RGL2: variants seen among roughly 807,000 people sequenced by gnomAD.
RGL2 encodes ral guanine nucleotide dissociation stimulator-like 2.
RGL2 carries 40 observed loss-of-function variants against 84.6 expected under a neutral mutation model. The observed-to-expected ratio is 0.47, with a 90% CI of 0.37 to 0.62. The LOEUF (loss-of-function observed/expected upper bound fraction) is 0.62, where lower values mean the gene tolerates loss of function less well. Ranked by LOEUF, RGL2 falls within the 20% of genes least tolerant of loss-of-function variation. The pLI, the probability that RGL2 is intolerant of heterozygous loss-of-function variation, is 0.00. For synonymous variants in RGL2, 369 were observed against 417.3 expected, an observed-to-expected ratio of 0.88 and a Z score of 1.41; for missense variants, 865 against 1,019.7, an observed-to-expected ratio of 0.85 and a Z score of 2.07.
At position 33,293,577 on chromosome 6, in the gene RGL2, C is replaced by A; in HGVS notation, c.1604+27G>T. On this transcript the variant is annotated intron_variant, in intron 14 of 17. Coordinates refer to ENST00000497454, the MANE Select transcript of RGL2 (RefSeq NM_004761.5). This position sits in a 1 kb window ranked among gnomAD's most constrained non-coding sequence, Gnocchi z 7.0. ...AGAGAAAAGTGGAAGTCCCAAGAAA[C>A]CACCCCCCAGCCAGTGAATCTCTCA... The A allele has an allele frequency of 3.7e-6, 6 of 1,612,754 alleles. No individual in the cohort carries two copies. Among genetic ancestry groups the A allele is most frequent in the Non-Finnish European group, 5.1e-6 (6 of 1,179,206 alleles).
chr6:33,292,583 ATGAT>A (rs1379851047), intron 16 of RGL2, 39 bp from the exon 17 acceptor site: 1 of 1,495,272 alleles, frequency 6.7e-7, no homozygotes, highest in Admixed American at 1.7e-5. Context: ...TCAATCAGCC[ATGAT>A]TTCCCATCCT....
At chr6:33,300,192 G>A (rs1158763451), upstream of RGL2, 1 of 153,836 alleles carries the variant, frequency 6.5e-6, no homozygotes, top group Non-Finnish European at 1.5e-5. Context: ...TAGGGCTGAA[G>A]AACTAGGCAG....
chr6:33,292,301 G>C lies in RGL2; in HGVS notation c.2135C>G (p.Pro712Arg). The C allele has an allele frequency of 6.2e-7, 1 of 1,613,966 alleles. No homozygotes were observed. Among genetic ancestry groups the C allele is most frequent in the African/African-American group, 1.3e-5 (1 of 75,020 alleles). Reference sequence around the variant, plus strand: ...GGCGTAGAATACATTAGCCGAGGCTGGGATAGTCAGCTCTGAAGGTTCAGG... The same window carrying C: ...GGCGTAGAATACATTAGCCGAGGCTCGGATAGTCAGCTCTGAAGGTTCAGG... ...LLPGERELTI[P>R]ASANVFYAMD... Residue 712 changes from proline to arginine, a missense_variant, in exon 18 of 18, where the codon CCA (proline) becomes CGA (arginine). Around this residue, in one of 5 missense-constraint regions of RGL2, gnomAD observed 302 missense variants for 327.9 expected, o/e 0.92. Transcript: ENST00000497454.
In RGL2 at chr6:33,298,860, A is replaced by T; in HGVS notation, c.-42+10T>A. 6 of 301,186 alleles carry T rather than the reference A, an allele frequency of 2.0e-5. No homozygotes were observed. The highest frequency in any genetic ancestry group is 5.6e-5 in the East Asian group (1 of 17,748). 18.7% of individuals were successfully genotyped at this position (301,186 alleles called of 1,614,324 possible). A position where few individuals can be genotyped will look rare whatever the true frequency, so the allele number is the denominator to read the frequency against. On this transcript the variant is annotated intron_variant, in intron 1 of 17. Coordinates refer to ENST00000497454, the MANE Select transcript of RGL2 (RefSeq NM_004761.5). The surrounding 1 kb of genome is among the most constrained non-coding windows in gnomAD (Gnocchi z 4.8). ...GAGTACGGGGACGCGCAGGGTGCTC[A>T]GGCTCTGACCTGCTCGGGAGGGGTG...
rs372507765 is a variant in RGL2, at chr6:33,292,935, T to C, written c.2007+81A>G. 6.9e-5 allele frequency: 106 copies of C among 1,539,050 alleles called. No individual in the cohort carries two copies. The African/African-American group carries it at 1.2e-3, about 17-fold the overall frequency. On this transcript the variant is annotated intron_variant, in intron 16 of 17. Coordinates refer to ENST00000497454, the MANE Select transcript of RGL2 (RefSeq NM_004761.5). ...AATTAAAACTACATTCAATTCCATT[T>C]GGCTGCCCAAACCTCAGACAACATT...
At position 33,293,869 on chromosome 6, in the gene RGL2, A is replaced by G. The variant is rs1767677739; in HGVS notation, c.1434T>C (p.Arg478=). ...SELRRLQNEC[R]GYNLQPDHDI... ...CATGGTCAGGTTGGAGGTTATAGCC[A>G]CGACATTCATTCTGGAGCCGTCGCA... The change falls in exon 13 of 18, where the codon CGT becomes CGC. Residue 478 remains arginine, a synonymous_variant. Transcript: ENST00000497454. This position sits in a 1 kb window ranked among gnomAD's most constrained non-coding sequence, Gnocchi z 7.0. The G allele has an allele frequency of 1.9e-6, 3 of 1,614,108 alleles. No individual in the cohort carries two copies. Among genetic ancestry groups the G allele is most frequent in the South Asian group, 2.2e-5 (2 of 91,080 alleles).
rs779742868 is a variant in RGL2, at chr6:33,296,587, A to G, written c.419+11T>C. The G allele has an allele frequency of 3.1e-6, 5 of 1,610,446 alleles. No individual in the cohort carries two copies. The South Asian group carries it at 5.5e-5, about 18-fold the overall frequency. On this transcript the variant is annotated intron_variant, in intron 4 of 17. Coordinates refer to ENST00000497454, the MANE Select transcript of RGL2 (RefSeq NM_004761.5). The surrounding 1 kb of genome is among the most constrained non-coding windows in gnomAD (Gnocchi z 5.0). ...GATACTCCACTACCCTGCGTCCCTT[A>G]TGACTCTGACCTGTCAGCCATAAGC...
In RGL2 at chr6:33,294,821, T is replaced by C; in HGVS notation, c.1279-59A>G. ...CATTGACGTGAGGGCCCTCCATCCC[T>C]CCGCACTTGCCCTCCTCATTGCCTC... On this transcript the variant is annotated intron_variant, in intron 10 of 17. Coordinates refer to ENST00000497454, the MANE Select transcript of RGL2 (RefSeq NM_004761.5). The surrounding 1 kb of genome is among the most constrained non-coding windows in gnomAD (Gnocchi z 5.0). 2 of 1,568,610 alleles carry C rather than the reference T, an allele frequency of 1.3e-6. No homozygotes were observed. Among genetic ancestry groups the C allele is most frequent in the Non-Finnish European group, 8.7e-7 (1 of 1,145,712 alleles).
In RGL2 at chr6:33,297,233, T is replaced by C; in HGVS notation, c.157-118A>G. ...CCTCACCTGTGGTGGCAGGGCATAGTACCAGCGAGTGCGAGGAAGGGTTGG... is the reference window on the plus strand; with the variant it reads ...CCTCACCTGTGGTGGCAGGGCATAGCACCAGCGAGTGCGAGGAAGGGTTGG... On this transcript the variant is annotated intron_variant, in intron 2 of 17. Coordinates refer to ENST00000497454, the MANE Select transcript of RGL2 (RefSeq NM_004761.5). The surrounding 1 kb of genome is among the most constrained non-coding windows in gnomAD (Gnocchi z 4.0). 1.3e-6 allele frequency: 1 copy of C among 755,012 alleles called. No individual in the cohort carries two copies. The highest frequency in any genetic ancestry group is 2.1e-6 in the Non-Finnish European group (1 of 475,134). The allele number at this position is 755,012 out of a possible 1,614,324, so 46.8% of individuals were successfully genotyped here. A position where few individuals can be genotyped will look rare whatever the true frequency, so the allele number is the denominator to read the frequency against.
chr6:33,301,509 G>A (rs1465613147), upstream of RGL2: 1 of 500,708 alleles, frequency 2.0e-6, no homozygotes, highest in East Asian at 3.2e-5. Flanking sequence ...AGGAGGCGGA[G>A]GTTGCAGTAA....
intron 17 of RGL2, 38 bp from the exon 18 acceptor site, chr6:33,292,351 G>C: frequency 6.2e-7 from 1 of 1,609,466 alleles, no homozygotes; most frequent in South Asian, 1.1e-5. Flanking sequence ...CACACACACA[G>C]TTGTTCCCCC....
intron 16 of RGL2, 76 bp downstream of exon 16, chr6:33,292,940 G>A: frequency 6.4e-7 from 1 of 1,564,550 alleles, no homozygotes; most frequent in Non-Finnish European, 8.8e-7. Context: ...CCATTTGGCT[G>A]CCCAAACCTC....
rs1292296922 is a variant in RGL2 at position 33,294,952 on chromosome 6, G to A, written c.1278+25C>T. 6.0e-6 allele frequency: 9 copies of A among 1,493,118 alleles called. No homozygotes were observed. The highest frequency in any genetic ancestry group is 4.9e-5 in the East Asian group (2 of 40,746). 92.5% of individuals were successfully genotyped at this position (1,493,118 alleles called of 1,614,324 possible). A position where few individuals can be genotyped will look rare whatever the true frequency, so the allele number is the denominator to read the frequency against. On this transcript the variant is annotated intron_variant, in intron 10 of 17. Coordinates refer to ENST00000497454, the MANE Select transcript of RGL2 (RefSeq NM_004761.5). This position sits in a 1 kb window ranked among gnomAD's most constrained non-coding sequence, Gnocchi z 5.0. The stretch of plus-strand genomic sequence containing the variant: ...ACCCCTTCATAATCACCACCCCCAC[G>A]CCCACCACCCCGCTAGTCACTCACC...
chr6:33,298,697 CG>C lies in RGL2; in HGVS notation c.-41-47del. 1 of 748,680 alleles carries C rather than the reference CG, an allele frequency of 1.3e-6. No homozygotes were observed. 46.4% of individuals were successfully genotyped at this position (748,680 alleles called of 1,614,324 possible). A position where few individuals can be genotyped will look rare whatever the true frequency, so the allele number is the denominator to read the frequency against. On this transcript the variant is annotated intron_variant, in intron 1 of 17. Transcript: ENST00000497454. This position sits in a 1 kb window ranked among gnomAD's most constrained non-coding sequence, Gnocchi z 4.8. ...GTGGGGGTGGAGAGTCAGGCAGGCG[CG>C]GGGGAACCGGGCAGGGAAGGGACGT...
Position 33,294,803 on chromosome 6 carries a change from G to T in RGL2, c.1279-41C>A. ...AGGGTCAGAAGTGCCTGCCATTGACGTGAGGGCCCTCCATCCCTCCGCACT... is the reference window on the plus strand; with the variant it reads ...AGGGTCAGAAGTGCCTGCCATTGACTTGAGGGCCCTCCATCCCTCCGCACT... On this transcript the variant is annotated intron_variant, in intron 10 of 17. Coordinates refer to ENST00000497454, the MANE Select transcript of RGL2 (RefSeq NM_004761.5). The surrounding 1 kb of genome is among the most constrained non-coding windows in gnomAD (Gnocchi z 5.0). 4 of 1,597,946 alleles carry T rather than the reference G, an allele frequency of 2.5e-6. No homozygotes were observed. Among genetic ancestry groups the T allele is most frequent in the Non-Finnish European group, 3.4e-6 (4 of 1,167,388 alleles).
rs1554273133 is a variant in RGL2, at chr6:33,293,595, A to G, written c.1604+9T>C. On this transcript the variant is annotated intron_variant, in intron 14 of 17. Coordinates refer to ENST00000497454, the MANE Select transcript of RGL2 (RefSeq NM_004761.5). The surrounding 1 kb of genome is among the most constrained non-coding windows in gnomAD (Gnocchi z 7.0). ...CAAGAAACCACCCCCCAGCCAGTGAATCTCTCACTCTGTCCACTGCGAGAT... is the reference window on the plus strand; with the variant it reads ...CAAGAAACCACCCCCCAGCCAGTGAGTCTCTCACTCTGTCCACTGCGAGAT... 4 of 1,613,720 alleles carry G rather than the reference A, an allele frequency of 2.5e-6. No homozygotes were observed. The highest frequency in any genetic ancestry group is 2.5e-6 in the Non-Finnish European group (3 of 1,179,740).
At chr6:33,292,358 C>G in intron 17 of RGL2, 45 bp from the exon 18 acceptor site, 3 of 1,608,624 alleles carry the variant, frequency 1.9e-6, no homozygotes, top group Non-Finnish European at 2.6e-6. Context: ...ACAGTTGTTC[C>G]CCCCACAGCC....
chr6:33,295,007 C>T lies in RGL2; in HGVS notation c.1248G>A (p.Lys416=). ...KLQSPLEPHS[K]KAPRSGSRGG... is the part of the protein sequence containing the mutation. The stretch of plus-strand genomic sequence containing the variant: ...CCCGGGAGCCAGACCTCGGGGCCTT[C>T]TTGGAGTGTGGCTCCAGAGGAGACT... The change falls in exon 10 of 18, where the codon AAG becomes AAA. Residue 416 remains lysine (K), a synonymous_variant. Coordinates refer to ENST00000497454, the MANE Select transcript of RGL2 (RefSeq NM_004761.5). This position sits in a 1 kb window ranked among gnomAD's most constrained non-coding sequence, Gnocchi z 7.2. The T allele has an allele frequency of 6.3e-7, 1 of 1,585,698 alleles. No homozygotes were observed. The highest frequency in any genetic ancestry group is 8.6e-7 in the Non-Finnish European group (1 of 1,165,418).
rs1767583051 is a variant in RGL2 at position 33,293,088 on chromosome 6, C to T, written c.1935G>A (p.Gly645=). The change falls in exon 16 of 18, where the codon GGG becomes GGA. Residue 645 remains glycine, a synonymous_variant. Transcript: ENST00000497454. The surrounding 1 kb of genome is among the most constrained non-coding windows in gnomAD (Gnocchi z 7.0). ...CTCGGATGATACGGCAATCAGAGGCCCCTGGCCCAGATCCCTCTCCCCCAT... is the reference window on the plus strand; with the variant it reads ...CTCGGATGATACGGCAATCAGAGGCTCCTGGCCCAGATCCCTCTCCCCCAT... ...TGYGGEGSGP[G]ASDCRIIRVQ... The T allele has an allele frequency of 6.2e-7, 1 of 1,614,082 alleles. No homozygotes were observed. The highest frequency in any genetic ancestry group is 1.3e-5 in the African/African-American group (1 of 74,924).
Sources: gnomAD v4.1 joint callset for allele counts on GRCh38, gnomAD v4.1.1 for gene constraint, gnomAD v4.1.1 regional missense constraint, Gnocchi (gnomAD v3.1) non-coding constraint, MANE v1.5 for transcripts, NCBI Gene and HGNC (gene_info 2026-07-23, HGNC 2026-07-21) for gene names.